MOB3B: variants seen among roughly 807,000 people sequenced by gnomAD.
MOB3B encodes the protein MOB kinase activator-like 2B.
MOB3B carries 7 observed loss-of-function variants against 18.7 expected under a neutral mutation model. The observed-to-expected ratio is 0.37, with a 90% CI of 0.21 to 0.70. The LOEUF (loss-of-function observed/expected upper bound fraction) is 0.70, where lower values mean the gene tolerates loss of function less well. MOB3B is among the 30% of genes least tolerant of loss of function. The pLI is 0.52. For synonymous variants in MOB3B, 111 were observed against 99.9 expected (o/e 1.11, Z -0.66); for missense variants, 253 against 281.3 (o/e 0.90, Z 0.72).
chr9:27,440,715 GA>G (rs1323154567), intron 2 of MOB3B, among the ~76,000 whole-genome samples: 5 of 146,260 alleles, frequency 3.4e-5, no homozygotes, highest in African/African-American at 1.0e-4. Flanking sequence ...TAGTGCTAAG[GA>G]AATCAGAAGA....
intron 3 of MOB3B, among the ~76,000 whole-genome samples, chr9:27,343,362 AG>A (rs773412758): frequency 9.5e-4 from 143 of 151,080 alleles, no homozygotes; most frequent in African/African-American, 3.3e-3. Context: ...TCCTCTGTCT[AG>A]GAAAACCAGA....
At chr9:27,505,745 T>C (rs965249385) in intron 1 of MOB3B, among the ~76,000 whole-genome samples, 5 of 152,172 alleles carry the variant, frequency 3.3e-5, no homozygotes, top group Non-Finnish European at 7.4e-5. Flanking sequence ...CACCAGCCCT[T>C]GGATGCACTT....
At chr9:27,490,708 C>G (rs1819803477) in intron 1 of MOB3B, among the ~76,000 whole-genome samples, 1 of 152,160 alleles carries the variant, frequency 6.6e-6, no homozygotes, top group Non-Finnish European at 1.5e-5. Context: ...AAAACAACTC[C>G]AAAGCCCACC....
At position 27,328,493 on chromosome 9, in the gene MOB3B, T is replaced by A. The variant is rs188109044; in HGVS notation, c.*2094A>T. 4.6e-5 allele frequency: 7 copies of A among 152,280 alleles called. No individual in the cohort carries two copies. Among genetic ancestry groups the A allele is most frequent in the African/African-American group, 1.7e-4 (7 of 41,564 alleles). 9.4% of individuals were successfully genotyped at this position (152,280 alleles called of 1,614,324 possible). A position where few individuals can be genotyped will look rare whatever the true frequency, so the allele number is the denominator to read the frequency against. On this transcript the variant is annotated 3_prime_UTR_variant, in exon 4 of 4. Transcript: ENST00000262244. Reference sequence around the variant, plus strand: ...AATTCTTCCAAGAAGCTTAAAAAGATTTGGATTTTTAAATTGAGTGGAAAT... The same window carrying A: ...AATTCTTCCAAGAAGCTTAAAAAGAATTGGATTTTTAAATTGAGTGGAAAT...
At chr9:27,351,814 C>T (rs1164672885) in intron 3 of MOB3B, among the ~76,000 whole-genome samples, 2 of 152,194 alleles carry the variant, frequency 1.3e-5, no homozygotes, top group Non-Finnish European at 2.9e-5. Flanking sequence ...CTTAGGGCAA[C>T]ATGAGGTCAG....
intron 2 of MOB3B, among the ~76,000 whole-genome samples, chr9:27,381,796 A>C (rs1821581278): frequency 6.6e-6 from 1 of 152,080 alleles, no homozygotes; most frequent in Admixed American, 6.6e-5. Context: ...ATAAGAACGC[A>C]CCACCACATC....
intron 2 of MOB3B, among the ~76,000 whole-genome samples, chr9:27,408,140 T>C (rs1181512074): frequency 2.0e-5 from 3 of 152,102 alleles, no homozygotes; most frequent in Non-Finnish European, 4.4e-5. Context: ...GCCTCCGAAA[T>C]AATGTGATGA....
chr9:27,525,009 C>G, intron 1 of MOB3B: 1 of 1,419,764 alleles, frequency 7.0e-7, no homozygotes. Context: ...ATCTCTTTCT[C>G]CTTCTCCTCC....
At chr9:27,366,679 G>C (rs1340558280) in intron 2 of MOB3B, among the ~76,000 whole-genome samples, 1 of 152,078 alleles carries the variant, frequency 6.6e-6, no homozygotes, top group Admixed American at 6.5e-5. Context: ...GAAGAGAAAG[G>C]CCAACACCTG....
intron 2 of MOB3B, among the ~76,000 whole-genome samples, chr9:27,450,750 T>C (rs1391135520): frequency 6.6e-6 from 1 of 152,198 alleles, no homozygotes; most frequent in Non-Finnish European, 1.5e-5. Context: ...CTCCTAAATA[T>C]GTATTAGCTG....
chr9:27,431,626 T>C (rs1408597645), intron 2 of MOB3B, among the ~76,000 whole-genome samples: 1 of 152,054 alleles, frequency 6.6e-6, no homozygotes, highest in Non-Finnish European at 1.5e-5. Flanking sequence ...CACAGAACTC[T>C]GTGTCTCCAC....
intron 2 of MOB3B, among the ~76,000 whole-genome samples, chr9:27,372,785 G>A (rs1278748134): frequency 6.6e-6 from 1 of 152,202 alleles, no homozygotes; most frequent in Non-Finnish European, 1.5e-5. Context: ...CTGACTAAAT[G>A]TAATGTGGTA....
At chr9:27,343,478 T>TAAAAAAAAAAAAAA (rs779124158) in intron 3 of MOB3B, among the ~76,000 whole-genome samples, 16 of 84,316 alleles carry the variant, frequency 1.9e-4, no homozygotes, top group East Asian at 3.8e-4. Flanking sequence ...CAATAAATAC[T>TAAAAAAAAAAAAAA]AAAAAAAAAA....
At chr9:27,509,476 G>C (rs560010705) in intron 1 of MOB3B, among the ~76,000 whole-genome samples, 1 of 152,176 alleles carries the variant, frequency 6.6e-6, no homozygotes, top group Non-Finnish European at 1.5e-5. Context: ...GAGGGCAGAG[G>C]TGCGATCTCG....
chr9:27,425,331 C>T (rs10967933), intron 2 of MOB3B, among the ~76,000 whole-genome samples: 80,139 of 149,750 alleles, frequency 0.54, 21,940 homozygotes, highest in Non-Finnish European at 0.58. Context: ...GCCGAGAGCG[C>T]GCCATTGCAC....
intron 1 of MOB3B, among the ~76,000 whole-genome samples, chr9:27,485,128 C>T (rs1819715386): frequency 6.6e-6 from 1 of 152,162 alleles, no homozygotes; most frequent in Admixed American, 6.5e-5. Flanking sequence ...ATATCAATAA[C>T]AACAAGGATC....
chr9:27,419,204 T>TCAA (rs2131410027), intron 2 of MOB3B, among the ~76,000 whole-genome samples: 1 of 152,104 alleles, frequency 6.6e-6, no homozygotes, highest in East Asian at 1.9e-4. Context: ...ATGGGTAGAA[T>TCAA]CAACATTGTG....
chr9:27,452,232 C>A (rs968364063), intron 2 of MOB3B, among the ~76,000 whole-genome samples: 2 of 149,276 alleles, frequency 1.3e-5, no homozygotes, highest in Middle Eastern at 3.5e-3. Flanking sequence ...ATCCATCCAT[C>A]CAATAACTTG....
intron 3 of MOB3B, among the ~76,000 whole-genome samples, chr9:27,340,212 G>A (rs1820918960): frequency 6.6e-6 from 1 of 152,352 alleles, no homozygotes; most frequent in African/African-American, 2.4e-5. Flanking sequence ...GTGTGTGAAT[G>A]TGTGCACATA....
Sources: gnomAD v4.1 joint callset for allele counts (sites outside exome capture counted in the v4.1 genomes callset) on GRCh38, gnomAD v4.1.1 for gene constraint, MANE v1.5 for transcripts, NCBI Gene and HGNC (gene_info 2026-07-23, HGNC 2026-07-21) for gene names.